TASOR2: variants seen among roughly 807,000 people sequenced by gnomAD.
The protein encoded by TASOR2 is protein TASOR 2.
In TASOR2, 84 loss-of-function variants were observed where a neutral mutation model predicts 199.5. The ratio of observed to expected loss-of-function variants is 0.42; its 90% CI spans 0.35 to 0.50. TASOR2 has a LOEUF of 0.50. Ranked by LOEUF, TASOR2 falls within the 20% of genes least tolerant of loss-of-function variation. TASOR2 has a pLI of 0.02. For missense variants in TASOR2, 2,796 were observed against 2,835.9 expected, an observed-to-expected ratio of 0.99 and a Z score of 0.32; for synonymous variants, 1,103 against 1,046.6, an observed-to-expected ratio of 1.05 and a Z score of -1.04.
chr10:5,709,159 A>G (rs1200150426), intron 1 of TASOR2, among the ~76,000 whole-genome samples: 3 of 152,120 alleles, frequency 2.0e-5, no homozygotes, highest in South Asian at 4.1e-4. Context: ...TTGGGGGAGG[A>G]GAGAGATTTT....
intron 1 of TASOR2, chr10:5,692,771 A>G (rs2131495663): frequency 6.6e-6 from 1 of 152,122 alleles, no homozygotes; most frequent in Non-Finnish European, 1.5e-5. Flanking sequence ...TTGACTTTCA[A>G]AAGGCGCCGC....
chr10:5,739,444 A>G (rs909891510), intron 12 of TASOR2, among the ~76,000 whole-genome samples, 174 bp from the exon 14 acceptor site: 3 of 152,226 alleles, frequency 2.0e-5, no homozygotes, highest in Non-Finnish European at 4.4e-5. Flanking sequence ...TATGTATAAC[A>G]TAAGTTTTAT....
At chr10:5,726,206 A>G (rs1413086171) in intron 8 of TASOR2, among the ~76,000 whole-genome samples, 1 of 152,232 alleles carries the variant, frequency 6.6e-6, no homozygotes, top group African/African-American at 2.4e-5. Flanking sequence ...ATGATTTAGA[A>G]CAACAGCTTT....
chr10:5,739,621 A>G (rs1485410512), exon 13 of TASOR2: 8 of 1,609,700 alleles, frequency 5.0e-6, no homozygotes, highest in Non-Finnish European at 6.8e-6. Context: ...ACTGAAGTCA[A>G]AGGAGAAACT....
intron 1 of TASOR2, among the ~76,000 whole-genome samples, chr10:5,693,565 T>G (rs899974387): frequency 6.6e-6 from 1 of 152,220 alleles, no homozygotes; most frequent in Admixed American, 6.5e-5. Context: ...CTCTACATTT[T>G]CTTCATTTAA....
chr10:5,696,016 G>C (rs9423726), intron 1 of TASOR2, among the ~76,000 whole-genome samples: 9 of 151,928 alleles, frequency 5.9e-5, no homozygotes, highest in Non-Finnish European at 1.2e-4. Context: ...CTACCTTGAC[G>C]GAAGACTGAA....
rs1276093376 is a variant in TASOR2, at chr10:5,689,644, T to A, written c.-288+4469T>A. ...CATGTATGTATCTTGCTTGGGATTG[T>A]CTTCTTAAATCTGTAAATTGGAGAT... On this transcript the variant is annotated intron_variant, in intron 1 of 20. Coordinates refer to ENST00000328090, the Ensembl canonical transcript of TASOR2. The surrounding 1 kb of genome is among the most constrained non-coding windows in gnomAD (Gnocchi z 4.1). Among the ~76,000 whole-genome samples, 2 of 152,216 alleles carry A rather than the reference T, an allele frequency of 1.3e-5. No individual in the cohort carries two copies. The highest frequency in any genetic ancestry group is 6.5e-5 in the Admixed American group (1 of 15,282).
At chr10:5,746,429 T>G in exon 15 of TASOR2, 2 of 1,614,138 alleles carry the variant, frequency 1.2e-6, no homozygotes, top group Non-Finnish European at 1.7e-6. Flanking sequence ...GAAAACAAAG[T>G]GGATATTCTT....
intron 1 of TASOR2, among the ~76,000 whole-genome samples, chr10:5,697,090 G>A (rs1385933530): frequency 3.3e-5 from 5 of 152,136 alleles, no homozygotes; most frequent in Admixed American, 2.6e-4. Context: ...TGACTTTCTA[G>A]GTTGAAAGGG....
chr10:5,759,169 A>G (rs1839413462), intron 18 of TASOR2, among the ~76,000 whole-genome samples, 177 bp downstream of exon 19: 1 of 152,230 alleles, frequency 6.6e-6, no homozygotes. Context: ...CGTAGCCAAC[A>G]GTATGAGGCA....
Position 5,742,022 on chromosome 10 carries a change from C to T in TASOR2, c.2328-75C>T. 6 of 1,418,166 alleles carry T rather than the reference C, an allele frequency of 4.2e-6. No homozygotes were observed. In the South Asian group the frequency reaches 7.6e-5, roughly 18 times the overall value. The allele number at this position is 1,418,166 out of a possible 1,614,324, so 87.8% of individuals were successfully genotyped here. A position where few individuals can be genotyped will look rare whatever the true frequency, so the allele number is the denominator to read the frequency against. ...CAAAAACTAAGGAATATTGGAGGCA[C>T]TTGCTTATGATAAGGTAATCAACTA... On this transcript the variant is annotated intron_variant, in intron 13 of 20. Transcript: ENST00000328090. This position sits in a 1 kb window ranked among gnomAD's most constrained non-coding sequence, Gnocchi z 4.2.
At chr10:5,726,921 A>C (rs1834121105) in exon 9 of TASOR2, 1 of 1,613,876 alleles carries the variant, frequency 6.2e-7, no homozygotes. Context: ...AGGGTTTTTC[A>C]TTTTACTTAC....
At chr10:5,757,907 T>A (rs1392270873) in intron 17 of TASOR2, among the ~76,000 whole-genome samples, 1 of 152,056 alleles carries the variant, frequency 6.6e-6, no homozygotes, top group Non-Finnish European at 1.5e-5. Context: ...CTGAGTTCCC[T>A]CCCTCTCGGT....
At chr10:5,691,805 G>A (rs1348251754) in intron 1 of TASOR2, among the ~76,000 whole-genome samples, 2 of 152,158 alleles carry the variant, frequency 1.3e-5, no homozygotes, top group African/African-American at 4.8e-5. Flanking sequence ...TGTTAGGGCT[G>A]CATGGCTTAT....
At chr10:5,749,920 A>G (rs752121200) in exon 15 of TASOR2, 2 of 1,614,102 alleles carry the variant, frequency 1.2e-6, no homozygotes, top group African/African-American at 1.3e-5. Flanking sequence ...AGACGTGTGC[A>G]CCAATTTGCA....
chr10:5,756,926 A>T (rs1452597982), intron 16 of TASOR2, among the ~76,000 whole-genome samples, 188 bp downstream of exon 17: 5 of 152,194 alleles, frequency 3.3e-5, no homozygotes, highest in African/African-American at 1.2e-4. Flanking sequence ...GCAGATGGTT[A>T]AAAAAATCAT....
Position 5,730,491 on chromosome 10 carries a change from G to A in TASOR2, c.492G>A (p.Val164=). The A allele has an allele frequency of 6.3e-7, 1 of 1,590,612 alleles. No individual in the cohort carries two copies. Among genetic ancestry groups the A allele is most frequent in the East Asian group, 2.2e-5 (1 of 44,740 alleles). Residue 164 remains valine, a synonymous_variant, in exon 11 of 21, where the codon GTG becomes GTA. Transcript: ENST00000328090. This position sits in a 1 kb window ranked among gnomAD's most constrained non-coding sequence, Gnocchi z 4.1. ...ATACGTGTGTATATATTCTAGGGGT[G>A]AAAGATTTGAAAGTTGAAGATGACA... is the stretch of plus-strand genomic sequence containing the variant.
At chr10:5,704,450 AATT>A (rs1838320278) in intron 1 of TASOR2, among the ~76,000 whole-genome samples, 1 of 152,032 alleles carries the variant, frequency 6.6e-6, no homozygotes, top group African/African-American at 2.4e-5. Flanking sequence ...TTACCCTTAT[AATT>A]TATAGTACAT....
intron 2 of TASOR2, chr10:5,714,721 G>A (rs1389733511): frequency 6.6e-6 from 1 of 152,212 alleles, no homozygotes; most frequent in African/African-American, 2.4e-5. Context: ...ACTTTATAGA[G>A]TTGTTGAGAG....
Sources: gnomAD v4.1 joint callset for allele counts (sites outside exome capture counted in the v4.1 genomes callset) on GRCh38, gnomAD v4.1.1 for gene constraint, Gnocchi (gnomAD v3.1) non-coding constraint, MANE v1.5 for transcripts, NCBI Gene and HGNC (gene_info 2026-07-23, HGNC 2026-07-21) for gene names.